XRN2: variants seen among roughly 807,000 people sequenced by gnomAD.
XRN2 encodes DHM1-like protein.
A neutral mutation model predicts 138.5 loss-of-function variants in XRN2; 44 were observed. The ratio of observed to expected loss-of-function variants is 0.32; its 90% CI spans 0.25 to 0.41. The LOEUF (loss-of-function observed/expected upper bound fraction) is 0.41, where lower values mean the gene tolerates loss of function less well. XRN2 is among the 10% of genes least tolerant of loss of function. XRN2 has a pLI of 1.00. For missense variants in XRN2, 937 were observed against 1,169.3 expected (o/e 0.80, Z 2.90); for synonymous variants, 354 against 369.4 (o/e 0.96, Z 0.48).
intron 14 of XRN2, among the ~76,000 whole-genome samples, chr20:21,339,543 ACT>A (rs2038344269): frequency 6.6e-6 from 1 of 152,172 alleles, no homozygotes; most frequent in Non-Finnish European, 1.5e-5. Flanking sequence ...TTCAGAGCAC[ACT>A]GTCATCCAGT....
chr20:21,368,995 G>GA (rs2038733401), intron 27 of XRN2, among the ~76,000 whole-genome samples: 1 of 151,942 alleles, frequency 6.6e-6, no homozygotes, highest in Non-Finnish European at 1.5e-5. Context: ...TCAAATACTA[G>GA]ATCTTATTCA....
intron 1 of XRN2, among the ~76,000 whole-genome samples, chr20:21,310,448 A>G (rs923075329): frequency 1.3e-5 from 2 of 152,022 alleles, no homozygotes; most frequent in Admixed American, 6.5e-5. Context: ...TTTCAGTTCT[A>G]TTGGTTTTTG....
At chr20:21,341,415 G>A (rs1319753973) in intron 15 of XRN2, among the ~76,000 whole-genome samples, 3 of 152,140 alleles carry the variant, frequency 2.0e-5, no homozygotes, top group African/African-American at 7.2e-5. Flanking sequence ...GCACTTACTG[G>A]TTACTCCCTG....
chr20:21,368,710 A>C, intron 27 of XRN2, 120 bp downstream of exon 27: 6 of 1,337,910 alleles, frequency 4.5e-6, no homozygotes, highest in Non-Finnish European at 6.0e-6. Context: ...AACTTTAAAA[A>C]CATGTAAGTT....
chr20:21,332,903 A>C (rs1180216378), intron 9 of XRN2, among the ~76,000 whole-genome samples: 2 of 152,126 alleles, frequency 1.3e-5, no homozygotes, highest in African/African-American at 4.8e-5. Context: ...ACTTCTTAAG[A>C]CTTTTAAGTT....
At chr20:21,360,523 C>A (rs750837024) in intron 24 of XRN2, among the ~76,000 whole-genome samples, 3 of 149,702 alleles carry the variant, frequency 2.0e-5, no homozygotes, top group Non-Finnish European at 3.0e-5. Context: ...CTCAGTTGTT[C>A]ATAGTGTTGC....
chr20:21,322,620 A>G (rs1290449147), intron 1 of XRN2, among the ~76,000 whole-genome samples: 1 of 152,204 alleles, frequency 6.6e-6, no homozygotes, highest in African/African-American at 2.4e-5. Flanking sequence ...TCTCCTCATA[A>G]GGTTGACTGG....
intron 13 of XRN2, among the ~76,000 whole-genome samples, chr20:21,336,346 C>T (rs2038293061): frequency 6.6e-6 from 1 of 152,010 alleles, no homozygotes; most frequent in Non-Finnish European, 1.5e-5. Flanking sequence ...CCTATAATCC[C>T]AGCCGCTTGG....
intron 13 of XRN2, among the ~76,000 whole-genome samples, chr20:21,337,305 G>A (rs1176669527): frequency 6.6e-6 from 1 of 152,086 alleles, no homozygotes. Flanking sequence ...AGAGGCAGTT[G>A]GATTCTGAAC....
intron 26 of XRN2, among the ~76,000 whole-genome samples, 172 bp downstream of exon 26, chr20:21,365,876 TA>T (rs1298570951): frequency 1.6e-5 from 2 of 127,186 alleles, no homozygotes; most frequent in East Asian, 2.1e-4. Context: ...TAATTATATA[TA>T]ATATTATATA....
At chr20:21,316,783 A>G (rs1243571753) in intron 1 of XRN2, among the ~76,000 whole-genome samples, 1 of 152,238 alleles carries the variant, frequency 6.6e-6, no homozygotes, top group African/African-American at 2.4e-5. Flanking sequence ...TTATTTGTTT[A>G]GAACTATTTT....
At chr20:21,303,656 GGGGGCGAGGAATTCAGGACCCTCGGC>G in intron 1 of XRN2, 183 bp downstream of exon 1, 1 of 1,335,278 alleles carries the variant, frequency 7.5e-7, no homozygotes, top group Non-Finnish European at 9.5e-7. Flanking sequence ...TCAGCACCCC[GGGGGCGAGGAATTCAGGACCCTCGGC>G]GGGGCAAGGG....
chr20:21,340,082 T>C (rs2038351735), intron 14 of XRN2, among the ~76,000 whole-genome samples: 1 of 152,172 alleles, frequency 6.6e-6, no homozygotes, highest in South Asian at 2.1e-4. Flanking sequence ...ATCTAATTAA[T>C]TGGAAATAAA....
chr20:21,354,326 A>T (rs74436459), intron 20 of XRN2, among the ~76,000 whole-genome samples: 9,530 of 152,278 alleles, frequency 0.063, 343 homozygotes, highest in East Asian at 0.16. Context: ...AGATCTATGC[A>T]TTTTGGTTGA....
chr20:21,377,370 C>T (rs2038836973), intron 27 of XRN2, among the ~76,000 whole-genome samples: 1 of 141,140 alleles, frequency 7.1e-6, no homozygotes, highest in Non-Finnish European at 1.5e-5. Flanking sequence ...GATTCTCCTG[C>T]CTTAGCCTCC....
At chr20:21,375,970 C>G (rs1208103320) in intron 27 of XRN2, among the ~76,000 whole-genome samples, 1 of 151,510 alleles carries the variant, frequency 6.6e-6, no homozygotes, top group African/African-American at 2.4e-5. Context: ...TCCTGAGTAG[C>G]TCGGACTACA....
intron 1 of XRN2, among the ~76,000 whole-genome samples, chr20:21,323,547 G>C (rs2038077680): frequency 6.6e-6 from 1 of 152,206 alleles, no homozygotes; most frequent in Non-Finnish European, 1.5e-5. Context: ...TTGAGCATCA[G>C]AGTCTTCTCT....
At chr20:21,379,231 T>C (rs1383744891) in intron 27 of XRN2, among the ~76,000 whole-genome samples, 1 of 152,204 alleles carries the variant, frequency 6.6e-6, no homozygotes, top group Admixed American at 6.5e-5. Context: ...CCTTCTGAAG[T>C]GCAATTCACT....
rs1322060546 is a variant in XRN2, at chr20:21,333,825, C to T, written c.1055C>T (p.Ser352Leu). The T allele has an allele frequency of 1.9e-6, 3 of 1,613,956 alleles. No homozygotes were observed. The highest frequency in any genetic ancestry group is 1.6e-4 in the Middle Eastern group (1 of 6,084). The change falls in exon 11 of 30, where the codon TCG becomes TTG. Residue 352 changes from serine (S) to leucine (L), a missense_variant. Around this residue, in one of 6 missense-constraint regions of XRN2, gnomAD observed 471 missense variants for 581.2 expected, o/e 0.81. Transcript: ENST00000377191. ...AATGACTTCCTCCCTCATTTGCCAT[C>T]GTTAGAGATTAGGTATGTGCATTTG... The part of the protein sequence containing the change: ...VGNDFLPHLP[S>L]LEIRENAIDR...
Sources: gnomAD v4.1 joint callset for allele counts (sites outside exome capture counted in the v4.1 genomes callset) on GRCh38, gnomAD v4.1.1 for gene constraint, gnomAD v4.1.1 regional missense constraint, MANE v1.5 for transcripts, NCBI Gene and HGNC (gene_info 2026-07-23, HGNC 2026-07-21) for gene names.